The following CTNNA3 variants were observed in gnomAD, a reference collection of about 807,000 sequenced individuals.
The protein encoded by CTNNA3 is catenin alpha-3.
A neutral mutation model predicts 95.7 loss-of-function variants in CTNNA3; 76 were observed. The observed-to-expected ratio is 0.79, with a 90% confidence interval of 0.66 to 0.96. CTNNA3 has a LOEUF of 0.96. Ranked by LOEUF, CTNNA3 falls within the 40% of genes least tolerant of loss-of-function variation. The probability of loss-of-function intolerance (pLI) is 0.00; values close to 1 mark genes in which losing one functional copy is unlikely to be tolerated. For synonymous variants in CTNNA3, 431 were observed against 374.4 expected (o/e 1.15, Z -1.74); for missense variants, 1,191 against 1,089.8 (o/e 1.09, Z -1.31).
intron 13 of CTNNA3, among the ~76,000 whole-genome samples, chr10:66,147,102 T>C (rs972162222): frequency 6.6e-6 from 1 of 152,112 alleles, no homozygotes; most frequent in Non-Finnish European, 1.5e-5. Flanking sequence ...TATATCTCTC[T>C]TGTTAAATCT....
chr10:67,459,319 T>C (rs997128635), intron 5 of CTNNA3, among the ~76,000 whole-genome samples: 1 of 152,176 alleles, frequency 6.6e-6, no homozygotes, highest in African/African-American at 2.4e-5. Flanking sequence ...GGCTGATGTA[T>C]TCACATCATG....
At chr10:66,917,468 C>G (rs1467352694) in intron 7 of CTNNA3, among the ~76,000 whole-genome samples, 2 of 152,226 alleles carry the variant, frequency 1.3e-5, no homozygotes, top group Non-Finnish European at 2.9e-5. Flanking sequence ...GACTCCTGTT[C>G]TCTGCTACTT....
At chr10:66,131,746 C>T (rs768186965) in intron 13 of CTNNA3, among the ~76,000 whole-genome samples, 6 of 151,998 alleles carry the variant, frequency 3.9e-5, no homozygotes, top group Non-Finnish European at 8.8e-5. Context: ...GAAATAAGGC[C>T]GCACATCTAC....
chr10:66,331,294 G>A (rs1234225887), intron 12 of CTNNA3, among the ~76,000 whole-genome samples: 1 of 140,102 alleles, frequency 7.1e-6, no homozygotes, highest in Non-Finnish European at 1.5e-5. Flanking sequence ...TGGCTAGCCA[G>A]TTTTCCCAGC....
chr10:66,966,471 C>T (rs1011093406), intron 7 of CTNNA3, among the ~76,000 whole-genome samples: 16 of 123,856 alleles, frequency 1.3e-4, no homozygotes, highest in African/African-American at 3.8e-4. Flanking sequence ...TGGGTTAACT[C>T]GGCTATGTAA....
chr10:66,797,754 A>C (rs569975284), intron 7 of CTNNA3, among the ~76,000 whole-genome samples: 1 of 151,892 alleles, frequency 6.6e-6, no homozygotes, highest in Non-Finnish European at 1.5e-5. Context: ...TACTTATTTC[A>C]TCTCTATTTG....
At chr10:66,776,242 T>A (rs1217638831) in intron 7 of CTNNA3, among the ~76,000 whole-genome samples, 1 of 152,174 alleles carries the variant, frequency 6.6e-6, no homozygotes, top group Non-Finnish European at 1.5e-5. Context: ...CTAATCATAC[T>A]TTTTGCAGTG....
intron 7 of CTNNA3, among the ~76,000 whole-genome samples, chr10:66,807,281 G>T (rs1841691595): frequency 6.6e-6 from 1 of 152,066 alleles, no homozygotes; most frequent in African/African-American, 2.4e-5. Flanking sequence ...TACCTGAGAT[G>T]ATGAATTTTG....
intron 7 of CTNNA3, among the ~76,000 whole-genome samples, chr10:66,978,026 A>G (rs1589532425): frequency 6.7e-6 from 1 of 149,362 alleles, no homozygotes; most frequent in Admixed American, 6.9e-5. Context: ...TTAGTATAAC[A>G]TCATGAGTGA....
intron 17 of CTNNA3, among the ~76,000 whole-genome samples, chr10:65,938,062 C>T (rs905074310): frequency 2.0e-5 from 3 of 152,118 alleles, no homozygotes; most frequent in African/African-American, 7.2e-5. Context: ...GCTGCTGATT[C>T]AAATATCCTG....
intron 10 of CTNNA3, among the ~76,000 whole-genome samples, chr10:66,620,204 C>G (rs963347211): frequency 3.3e-5 from 5 of 152,102 alleles, no homozygotes; most frequent in Admixed American, 6.6e-5. Context: ...TGCTCCATAA[C>G]TATATATTAA....
At chr10:67,690,386 G>A (rs545376369) in intron 1 of CTNNA3, among the ~76,000 whole-genome samples, 27 of 152,228 alleles carry the variant, frequency 1.8e-4, no homozygotes, top group African/African-American at 5.3e-4. Flanking sequence ...AAGGGGACCC[G>A]AGCAGGTTGC....
intron 13 of CTNNA3, among the ~76,000 whole-genome samples, chr10:66,195,552 C>T (rs1184298345): frequency 1.3e-5 from 2 of 152,098 alleles, no homozygotes; most frequent in African/African-American, 4.8e-5. Context: ...TTATTCAATA[C>T]CAATAATAAA....
chr10:67,119,035 T>C (rs1859336482), intron 7 of CTNNA3, among the ~76,000 whole-genome samples: 1 of 151,882 alleles, frequency 6.6e-6, no homozygotes, highest in South Asian at 2.1e-4. Flanking sequence ...TCTGGACTGT[T>C]TGGGACTAAG....
At chr10:66,411,749 C>T (rs1911489) in intron 11 of CTNNA3, among the ~76,000 whole-genome samples, 58,198 of 151,936 alleles carry the variant, frequency 0.38, 11,706 homozygotes, top group African/African-American at 0.5. Flanking sequence ...TAACAACAAA[C>T]ATGGTGGAGT....
At chr10:66,429,912 G>A (rs575201844) in intron 11 of CTNNA3, among the ~76,000 whole-genome samples, 3 of 151,682 alleles carry the variant, frequency 2.0e-5, no homozygotes, top group African/African-American at 7.3e-5. Flanking sequence ...GGGCAATCAG[G>A]CAGGAGAAGG....
At chr10:66,919,659 C>A (rs1026639166) in intron 7 of CTNNA3, among the ~76,000 whole-genome samples, 1 of 152,112 alleles carries the variant, frequency 6.6e-6, no homozygotes, top group African/African-American at 2.4e-5. Flanking sequence ...TTATCTAAGT[C>A]AGAGATATTC....
chr10:65,953,591 T>A (rs1010652306), intron 17 of CTNNA3, among the ~76,000 whole-genome samples: 3 of 151,420 alleles, frequency 2.0e-5, no homozygotes, highest in Non-Finnish European at 4.4e-5. Context: ...TGTGTCCAAG[T>A]ATTCTCATTG....
chr10:66,925,295 G>A (rs975114515), intron 7 of CTNNA3, among the ~76,000 whole-genome samples: 1 of 152,102 alleles, frequency 6.6e-6, no homozygotes, highest in Non-Finnish European at 1.5e-5. Context: ...AGAAAACAAC[G>A]TAGCCCATTT....
Sources: allele counts gnomAD v4.1 joint callset (sites outside exome capture counted in the v4.1 genomes callset), GRCh38; gene constraint gnomAD v4.1.1; transcripts MANE v1.5; gene names NCBI Gene and HGNC (gene_info 2026-07-23, HGNC 2026-07-21).